The following PDZRN3 variants were observed in gnomAD, a reference collection of about 807,000 sequenced individuals.
PDZRN3 encodes PDZ domain containing ring finger 3.
PDZRN3 carries 38 observed loss-of-function variants against 85.7 expected under a neutral mutation model. The ratio of observed to expected loss-of-function variants is 0.44; its 90% CI spans 0.34 to 0.58. The LOEUF is 0.58. Ranked by LOEUF, PDZRN3 falls within the 20% of genes least tolerant of loss-of-function variation. PDZRN3 has a pLI of 0.01. For missense variants in PDZRN3, 1,629 were observed against 1,506.4 expected, an observed-to-expected ratio of 1.08 and a Z score of -1.35; for synonymous variants, 759 against 638.0, an observed-to-expected ratio of 1.19 and a Z score of -2.86.
intron 3 of PDZRN3, among the ~76,000 whole-genome samples, chr3:73,416,819 T>C (rs1211721991): frequency 1.3e-5 from 2 of 150,450 alleles, no homozygotes; most frequent in Non-Finnish European, 3.0e-5. Flanking sequence ...TATTAAAAAA[T>C]CCAAACCATA....
chr3:73,468,484 A>G (rs1471256566), intron 3 of PDZRN3, among the ~76,000 whole-genome samples: 4 of 152,050 alleles, frequency 2.6e-5, no homozygotes, highest in African/African-American at 9.6e-5. Context: ...ACATTTGGAA[A>G]TTATAGTGAC....
chr3:73,426,727 C>T (rs750447656), intron 3 of PDZRN3, among the ~76,000 whole-genome samples: 6 of 152,182 alleles, frequency 3.9e-5, no homozygotes, highest in Non-Finnish European at 8.8e-5. Context: ...CCAAACCCAC[C>T]TGGAGCCCTT....
In PDZRN3 at chr3:73,606,125, C is replaced by T. The variant is rs901298546; in HGVS notation, c.810+2473G>A. ...ATTTTGAGCAATTTCCAACAGTAGG[C>T]TTTGGTGTGGTTTAGACCTGGGGCA... On this transcript the variant is annotated intron_variant, in intron 2 of 9. Transcript: ENST00000263666. Among the ~76,000 whole-genome samples the T allele has an allele frequency of 2.0e-5, 3 of 152,174 alleles. No homozygotes were observed. In the East Asian group the frequency reaches 5.8e-4, roughly 29 times the overall value.
At chr3:73,506,674 T>C (rs1704074637) in intron 3 of PDZRN3, among the ~76,000 whole-genome samples, 1 of 152,132 alleles carries the variant, frequency 6.6e-6, no homozygotes, top group African/African-American at 2.4e-5. Flanking sequence ...TGGAGAGATA[T>C]CTAAAATGAT....
At chr3:73,395,339 A>C (rs1701613327) in intron 5 of PDZRN3, among the ~76,000 whole-genome samples, 1 of 152,258 alleles carries the variant, frequency 6.6e-6, no homozygotes, top group Non-Finnish European at 1.5e-5. Context: ...ATTTCAAAGA[A>C]GACTATTAAT....
intron 3 of PDZRN3, among the ~76,000 whole-genome samples, chr3:73,424,838 T>TA (rs1702279522): frequency 6.6e-6 from 1 of 152,166 alleles, no homozygotes; most frequent in Non-Finnish European, 1.5e-5. Context: ...AGATACCGCT[T>TA]CATATTCACT....
At chr3:73,433,745 C>G (rs55947938) in intron 3 of PDZRN3, 27,549 of 1,535,682 alleles carry the variant, frequency 0.018, 356 homozygotes, top group South Asian at 0.032. Flanking sequence ...CCGTTCTCGC[C>G]AGCACCCGGG....
chr3:73,571,372 G>A (rs578033610), intron 3 of PDZRN3, among the ~76,000 whole-genome samples: 105 of 151,986 alleles, frequency 6.9e-4, no homozygotes, highest in Non-Finnish European at 9.7e-4. Context: ...TTCAAAAACA[G>A]ATAGCGTCAA....
chr3:73,476,758 G>A (rs1008258295), intron 3 of PDZRN3, among the ~76,000 whole-genome samples: 1 of 152,122 alleles, frequency 6.6e-6, no homozygotes, highest in Non-Finnish European at 1.5e-5. Context: ...AGAAACTGAG[G>A]CCTCTTACCA....
chr3:73,529,913 A>C (rs1704613930), intron 3 of PDZRN3, among the ~76,000 whole-genome samples: 1 of 152,238 alleles, frequency 6.6e-6, no homozygotes, highest in Non-Finnish European at 1.5e-5. Flanking sequence ...TCCCTTCCTT[A>C]TAGGATGGTT....
intron 3 of PDZRN3, among the ~76,000 whole-genome samples, chr3:73,443,247 G>C (rs1357856236): frequency 6.6e-6 from 1 of 152,092 alleles, no homozygotes; most frequent in Non-Finnish European, 1.5e-5. Context: ...GCTGCTGTGT[G>C]CATCTGACTT....
intron 3 of PDZRN3, among the ~76,000 whole-genome samples, chr3:73,468,791 G>A (rs1225201266): frequency 6.6e-6 from 1 of 152,156 alleles, no homozygotes; most frequent in African/African-American, 2.4e-5. Context: ...AGCGATCCTG[G>A]ATTTAACCCT....
chr3:73,413,781 T>C (rs540759756), intron 3 of PDZRN3, among the ~76,000 whole-genome samples: 19 of 151,586 alleles, frequency 1.3e-4, no homozygotes, highest in Admixed American at 1.2e-3. Context: ...AGGTGGAAGG[T>C]GATGTTCCAG....
intron 3 of PDZRN3, among the ~76,000 whole-genome samples, chr3:73,574,072 A>T (rs898357044): frequency 6.6e-6 from 1 of 152,364 alleles, no homozygotes; most frequent in South Asian, 2.1e-4. Context: ...AAGGCCTGAC[A>T]TTAAAAGGGC....
chr3:73,392,357 G>C (rs139773158), intron 5 of PDZRN3, among the ~76,000 whole-genome samples: 2 of 152,226 alleles, frequency 1.3e-5, no homozygotes, highest in Non-Finnish European at 2.9e-5. Context: ...AGTGAGGACT[G>C]CCATGATCTT....
rs906297535 is a variant in PDZRN3, at chr3:73,570,346, C to A, written c.918+32008G>T. ...TGTTAACAAAATGTGAGACTATGAA[C>A]TGCTATTTTATGGCAACAATTACCG... On this transcript the variant is annotated intron_variant, in intron 3 of 9. Transcript: ENST00000263666. 2.6e-5 allele frequency among the ~76,000 whole-genome samples: 4 copies of A among 152,324 alleles called. No homozygotes were observed. The East Asian group carries it at 5.8e-4, about 22-fold the overall frequency.
chr3:73,522,592 G>T (rs1704393005), intron 3 of PDZRN3, among the ~76,000 whole-genome samples: 3 of 152,142 alleles, frequency 2.0e-5, no homozygotes, highest in Admixed American at 2.0e-4. Flanking sequence ...TCTGAACCTG[G>T]TATCTGACCT....
chr3:73,602,224 GA>G, intron 3 of PDZRN3, 129 bp downstream of exon 3: 1 of 641,368 alleles, frequency 1.6e-6, no homozygotes. Context: ...CACACAATGG[GA>G]AAAGTGAGAC....
chr3:73,494,873 C>A (rs1703837524), intron 3 of PDZRN3, among the ~76,000 whole-genome samples: 1 of 152,200 alleles, frequency 6.6e-6, no homozygotes. Context: ...ACTTTTCCAA[C>A]ACCCAATCGA....
Sources: gnomAD v4.1 joint callset for allele counts (sites outside exome capture counted in the v4.1 genomes callset) on GRCh38, gnomAD v4.1.1 for gene constraint, MANE v1.5 for transcripts, NCBI Gene and HGNC (gene_info 2026-07-23, HGNC 2026-07-21) for gene names.